The following ZBTB7C variants were observed in gnomAD, a reference collection of about 807,000 sequenced individuals.
ZBTB7C encodes the protein zinc finger and BTB domain-containing protein 7C.
A neutral mutation model predicts 25.7 loss-of-function variants in ZBTB7C; 8 were observed. That is an observed-to-expected ratio of 0.31 (90% CI 0.18 to 0.56). The LOEUF (loss-of-function observed/expected upper bound fraction) is 0.56, where lower values mean the gene tolerates loss of function less well. ZBTB7C is among the 20% of genes least tolerant of loss of function. The probability of loss-of-function intolerance (pLI) is 0.91; values close to 1 mark genes in which losing one functional copy is unlikely to be tolerated. For missense variants in ZBTB7C, 824 were observed against 855.2 expected (o/e 0.96, Z 0.46); for synonymous variants, 394 against 369.0 (o/e 1.07, Z -0.78).
intron 3 of ZBTB7C, among the ~76,000 whole-genome samples, chr18:48,113,876 A>G (rs561316932): frequency 6.6e-6 from 1 of 152,330 alleles, no homozygotes; most frequent in African/African-American, 2.4e-5. Flanking sequence ...GTGGCTGTGA[A>G]AACACCGCTG....
At chr18:48,272,025 C>G (rs532916480) in intron 2 of ZBTB7C, among the ~76,000 whole-genome samples, 1 of 152,204 alleles carries the variant, frequency 6.6e-6, no homozygotes, top group African/African-American at 2.4e-5. Context: ...TCATTAGTTG[C>G]AAATGATATC....
At chr18:48,299,516 T>C (rs568526755) in intron 2 of ZBTB7C, among the ~76,000 whole-genome samples, 40 of 152,350 alleles carry the variant, frequency 2.6e-4, no homozygotes, top group African/African-American at 9.4e-4. Context: ...AACTTTGCAG[T>C]TGGATCTTCT....
intron 1 of ZBTB7C, among the ~76,000 whole-genome samples, chr18:48,380,795 T>C (rs1216241429): frequency 6.6e-6 from 1 of 152,220 alleles, no homozygotes; most frequent in Non-Finnish European, 1.5e-5. Flanking sequence ...ATATTTGTTG[T>C]GACCGATGTA....
chr18:48,263,137 CT>C, intron 2 of ZBTB7C, among the ~76,000 whole-genome samples: 1 of 152,344 alleles, frequency 6.6e-6, no homozygotes, highest in Admixed American at 6.5e-5. Context: ...ATAAAAGTTC[CT>C]GTCCCAGTGC....
At chr18:48,286,044 T>C (rs952807546) in intron 2 of ZBTB7C, among the ~76,000 whole-genome samples, 1 of 152,206 alleles carries the variant, frequency 6.6e-6, no homozygotes, top group African/African-American at 2.4e-5. Flanking sequence ...CAGACTACAT[T>C]CATTTTTTCA....
intron 3 of ZBTB7C, among the ~76,000 whole-genome samples, chr18:48,167,966 A>G (rs2041325706): frequency 6.6e-6 from 1 of 152,216 alleles, no homozygotes; most frequent in African/African-American, 2.4e-5. Flanking sequence ...GATCCCTTTC[A>G]GAGTGTGGGG....
At chr18:48,314,469 C>G (rs955849532) in intron 2 of ZBTB7C, among the ~76,000 whole-genome samples, 4 of 152,188 alleles carry the variant, frequency 2.6e-5, no homozygotes, top group African/African-American at 9.6e-5. Flanking sequence ...CACTACTAAA[C>G]TTCTCATTGC....
In ZBTB7C at chr18:48,337,481, C is replaced by T. The variant is rs145855610; in HGVS notation, c.-79+693G>A. Among the ~76,000 whole-genome samples the T allele has an allele frequency of 8.0e-3, 1,218 of 152,350 alleles. 10 individuals are homozygous for T. Among genetic ancestry groups the T allele is most frequent in the South Asian group, 0.03 (144 of 4,820 alleles). On this transcript the variant is annotated intron_variant, in intron 2 of 4. Coordinates refer to ENST00000590800, the MANE Select transcript of ZBTB7C (RefSeq NM_001318841.2). ...GTCTCAAGGCCTTGCCTTCTAGGCC[C>T]TAGAGACTTGCTTGATGCTTCCAGG... is the stretch of plus-strand genomic sequence containing the variant.
intron 1 of ZBTB7C, among the ~76,000 whole-genome samples, chr18:48,347,384 T>C (rs566949404): frequency 6.6e-6 from 1 of 152,304 alleles, no homozygotes; most frequent in African/African-American, 2.4e-5. Context: ...CTTTTTCCCA[T>C]AAAAGATACC....
chr18:48,317,848 T>C (rs1212698382), intron 2 of ZBTB7C, among the ~76,000 whole-genome samples: 2 of 152,184 alleles, frequency 1.3e-5, no homozygotes, highest in African/African-American at 2.4e-5. Flanking sequence ...TCTGACCCTG[T>C]AGGTCTGGGG....
chr18:48,099,167 G>T (rs2038745055), intron 3 of ZBTB7C, among the ~76,000 whole-genome samples: 1 of 152,208 alleles, frequency 6.6e-6, no homozygotes. Context: ...CCTCTGCAAA[G>T]AACTGTTGCC....
Position 48,040,559 on chromosome 18 carries a change from G to T in ZBTB7C, c.549C>A (p.Ile183=), listed in dbSNP as rs369683635. The stretch of plus-strand genomic sequence containing the variant: ...TCTTGGAAGGGCTTTGGTGGCAGCT[G>T]ATGTCCTGGGGGTCAGGCAAGTTTT... The part of the protein sequence containing the change: ...DQENLPDPQD[I]SCHQSPSKTD... Residue 183 remains isoleucine (I), a synonymous_variant, in exon 4 of 5, where the codon ATC becomes ATA. Transcript: ENST00000590800. The T allele has an allele frequency of 6.2e-7, 1 of 1,614,090 alleles. No individual in the cohort carries two copies. Among genetic ancestry groups the T allele is most frequent in the Non-Finnish European group, 8.5e-7 (1 of 1,179,996 alleles).
chr18:48,142,984 C>T (rs187558999), intron 3 of ZBTB7C, among the ~76,000 whole-genome samples: 1 of 152,310 alleles, frequency 6.6e-6, no homozygotes, highest in East Asian at 1.9e-4. Flanking sequence ...ACGTGGTCTC[C>T]ACCCTTATGG....
chr18:48,160,689 C>T (rs2040981810), intron 3 of ZBTB7C, among the ~76,000 whole-genome samples: 1 of 152,196 alleles, frequency 6.6e-6, no homozygotes, highest in Admixed American at 6.5e-5. Flanking sequence ...ACCAATCTCC[C>T]CCTTGCCATA....
intron 1 of ZBTB7C, among the ~76,000 whole-genome samples, chr18:48,389,243 G>A (rs1277085354): frequency 4.9e-5 from 4 of 81,708 alleles, no homozygotes; most frequent in African/African-American, 1.5e-4. Flanking sequence ...TCTCGTGTGT[G>A]TGTGTGTGTG....
intron 2 of ZBTB7C, among the ~76,000 whole-genome samples, chr18:48,328,327 C>T (rs779091378): frequency 5.9e-5 from 9 of 151,946 alleles, no homozygotes; most frequent in Non-Finnish European, 7.4e-5. Flanking sequence ...GATGTGGATC[C>T]GGCTATAGAT....
intron 1 of ZBTB7C, among the ~76,000 whole-genome samples, chr18:48,388,726 G>C (rs2047808623): frequency 6.6e-6 from 1 of 152,094 alleles, no homozygotes; most frequent in Non-Finnish European, 1.5e-5. Flanking sequence ...TCCAGCCTGG[G>C]CAACAGACCA....
chr18:48,310,351 C>A (rs1232869384), intron 2 of ZBTB7C, among the ~76,000 whole-genome samples: 1 of 151,898 alleles, frequency 6.6e-6, no homozygotes, highest in East Asian at 1.9e-4. Context: ...TGAAAACAAT[C>A]CTTTCCGCGT....
chr18:48,054,298 G>A (rs903699540), intron 3 of ZBTB7C, among the ~76,000 whole-genome samples: 1 of 152,206 alleles, frequency 6.6e-6, no homozygotes, highest in African/African-American at 2.4e-5. Context: ...GAACCAGTTA[G>A]GAGATTGTAT....
Sources: allele counts gnomAD v4.1 joint callset (sites outside exome capture counted in the v4.1 genomes callset), GRCh38; gene constraint gnomAD v4.1.1; transcripts MANE v1.5; gene names NCBI Gene and HGNC (gene_info 2026-07-23, HGNC 2026-07-21).